The following GBP6 variants were observed in gnomAD, a reference collection of about 807,000 sequenced individuals.
The protein encoded by GBP6 is guanylate-binding protein 6.
In GBP6, 54 loss-of-function variants were observed where a neutral mutation model predicts 61.5. The ratio of observed to expected loss-of-function variants is 0.88; its 90% CI spans 0.71 to 1.10. The LOEUF is 1.10. GBP6 is among the 50% of genes least tolerant of loss of function. GBP6 has a pLI of 0.00. For missense variants in GBP6, 748 were observed against 752.8 expected (o/e 0.99, Z 0.07); for synonymous variants, 255 against 273.7 (o/e 0.93, Z 0.67).
rs1653178563 is a variant in GBP6, at chr1:89,387,699, G to A, written c.*2230G>A. Among the ~76,000 whole-genome samples the A allele has an allele frequency of 2.0e-5, 3 of 152,190 alleles. No homozygotes were observed. Among genetic ancestry groups the A allele is most frequent in the South Asian group, 2.1e-4 (1 of 4,838 alleles). On this transcript the variant is annotated 3_prime_UTR_variant, in exon 11 of 11. Coordinates refer to ENST00000370456, the MANE Select transcript of GBP6 (RefSeq NM_198460.3). Reference sequence around the variant, plus strand: ...TATAATCTCAGCAACTTGGGAGGCCGAAGCAGGCAGATCACTTGAGGTCAG... The same window carrying A: ...TATAATCTCAGCAACTTGGGAGGCCAAAGCAGGCAGATCACTTGAGGTCAG...
rs867987281 is a variant in GBP6, at chr1:89,368,527, A to C, written c.-23-2A>C. On this transcript the variant is annotated splice_acceptor_variant, in intron 1 of 10. Transcript: ENST00000370456. LOFTEE classifies it low-confidence loss of function (5UTR_SPLICE). ...ACAATGTAACGTTATTTCTACTGGG[A>C]GGCTCTTCTAGGTTGGCAGTTGCCA... The C allele has an allele frequency of 2.5e-6, 4 of 1,603,218 alleles. No individual in the cohort carries two copies. In the African/African-American group the frequency reaches 4.0e-5, roughly 16 times the overall value.
In GBP6 at chr1:89,385,233, C is replaced by G; in HGVS notation, c.1666C>G (p.Gln556Glu). 1 of 1,611,998 alleles carries G rather than the reference C, an allele frequency of 6.2e-7. No homozygotes were observed. Among genetic ancestry groups the G allele is most frequent in the Non-Finnish European group, 8.5e-7 (1 of 1,178,592 alleles). ...IMMLEHTQKV[Q>E]NDWLHEGFKK... ...TTCCTTCCTACATTGTCTTTAGGTCCAAAATGATTGGCTTCATGAAGGATT... is the reference window on the plus strand; with the variant it reads ...TTCCTTCCTACATTGTCTTTAGGTCGAAAATGATTGGCTTCATGAAGGATT... Residue 556 changes from glutamine (Q) to glutamate (E), a missense_variant, in exon 11 of 11, where the codon CAA (glutamine) becomes GAA (glutamate). Physicochemically the swap from Gln to Glu is conservative, Grantham distance 29. Coordinates refer to ENST00000370456, the MANE Select transcript of GBP6 (RefSeq NM_198460.3).
chr1:89,382,017 A>C, intron 7 of GBP6, 43 bp downstream of exon 7: 1 of 1,548,014 alleles, frequency 6.5e-7, no homozygotes, highest in Non-Finnish European at 8.8e-7. Flanking sequence ...CTTCCCCTTG[A>C]AGAATGAAGC....
At chr1:89,364,960 A>G (rs1379752225) in intron 1 of GBP6, among the ~76,000 whole-genome samples, 3 of 141,334 alleles carry the variant, frequency 2.1e-5, no homozygotes, top group Non-Finnish European at 4.6e-5. Context: ...CCCTCCACCC[A>G]CTGACAGGCC....
Position 89,386,215 on chromosome 1 carries a change from G to GA in GBP6, c.*752dup, listed in dbSNP as rs1457891078. 2 of 151,618 alleles carry GA rather than the reference G, an allele frequency of 1.3e-5. No homozygotes were observed. The highest frequency in any genetic ancestry group is 2.1e-4 in the South Asian group (1 of 4,798). 9.4% of individuals were successfully genotyped at this position (151,618 alleles called of 1,614,324 possible). Reference sequence around the variant, plus strand: ...CAATGTAGATTATCTTATCAGCATGGAAAAAATGCAATTATTATATGGAAG... The same window carrying GA: ...CAATGTAGATTATCTTATCAGCATGGAAAAAAATGCAATTATTATATGGAAG... On this transcript the variant is annotated 3_prime_UTR_variant, in exon 11 of 11. Coordinates refer to ENST00000370456, the MANE Select transcript of GBP6 (RefSeq NM_198460.3).
rs1037415990 is a variant in GBP6 at position 89,385,643 on chromosome 1, C to A, written c.*174C>A. Reference sequence around the variant, plus strand: ...CTGCCTCCTGGGTTCAAGAGATTCACCTGCCTCAGCCCCCTAGTAGCTGGG... The same window carrying A: ...CTGCCTCCTGGGTTCAAGAGATTCAACTGCCTCAGCCCCCTAGTAGCTGGG... On this transcript the variant is annotated 3_prime_UTR_variant, in exon 11 of 11. Coordinates refer to ENST00000370456, the MANE Select transcript of GBP6 (RefSeq NM_198460.3). The A allele has an allele frequency of 6.8e-6, 4 of 585,244 alleles. No homozygotes were observed. The highest frequency in any genetic ancestry group is 4.6e-4 in the Middle Eastern group (1 of 2,162). The allele number at this position is 585,244 out of a possible 1,614,324, so 36.3% of individuals were successfully genotyped here. A position where few individuals can be genotyped will look rare whatever the true frequency, so the allele number is the denominator to read the frequency against.
intron 1 of GBP6, among the ~76,000 whole-genome samples, chr1:89,367,475 C>T (rs575784001): frequency 4.6e-5 from 7 of 152,126 alleles, no homozygotes; most frequent in South Asian, 4.1e-4. Context: ...TTTGGATAAA[C>T]GTCTAGTCTA....
At chr1:89,364,794 A>C (rs1442794006) in intron 1 of GBP6, among the ~76,000 whole-genome samples, 2 of 150,690 alleles carry the variant, frequency 1.3e-5, no homozygotes, top group African/African-American at 4.9e-5. Flanking sequence ...TCTTTAAAAA[A>C]AAAAAAGATG....
chr1:89,380,361 T>G, intron 5 of GBP6, 25 bp from the exon 6 acceptor site: 2 of 1,489,494 alleles, frequency 1.3e-6, no homozygotes, highest in Non-Finnish European at 1.8e-6. Flanking sequence ...TTTCACTATA[T>G]TCTCTGTTTT....
chr1:89,371,238 G>A (rs1403668462), intron 3 of GBP6, among the ~76,000 whole-genome samples: 2 of 152,070 alleles, frequency 1.3e-5, no homozygotes, highest in African/African-American at 4.8e-5. Flanking sequence ...GGTACAAGGA[G>A]GAGCTGGTAC....
chr1:89,366,223 C>G (rs1652462638), intron 1 of GBP6, among the ~76,000 whole-genome samples: 1 of 152,112 alleles, frequency 6.6e-6, no homozygotes, highest in African/African-American at 2.4e-5. Flanking sequence ...TAATTTATCT[C>G]CATAAATAAT....
intron 1 of GBP6, among the ~76,000 whole-genome samples, chr1:89,367,606 T>TCTA (rs1278790430): frequency 1.3e-5 from 2 of 152,242 alleles, no homozygotes; most frequent in South Asian, 2.1e-4. Flanking sequence ...AGATTGCCTT[T>TCTA]TTACTCTGTT....
intron 3 of GBP6, 122 bp from the exon 4 acceptor site, chr1:89,377,981 C>A: frequency 1.2e-6 from 1 of 864,396 alleles, no homozygotes; most frequent in Non-Finnish European, 1.8e-6. Context: ...ACATTCATGT[C>A]TATGTTCTTT....
At chr1:89,383,139 G>A (rs1653036420) in intron 8 of GBP6, among the ~76,000 whole-genome samples, 1 of 152,036 alleles carries the variant, frequency 6.6e-6, no homozygotes, top group Admixed American at 6.6e-5. Context: ...ACTAACTCAC[G>A]AGCTGTTATT....
At chr1:89,365,920 G>T (rs1230110750) in intron 1 of GBP6, among the ~76,000 whole-genome samples, 2 of 152,116 alleles carry the variant, frequency 1.3e-5, no homozygotes, top group Non-Finnish European at 2.9e-5. Flanking sequence ...TGAGGCATTT[G>T]AAGACAATAT....
chr1:89,369,450 T>C lies in GBP6; in HGVS notation c.191-96T>C, dbSNP rs535295248. Reference sequence around the variant, plus strand: ...ATACAGAAAGGACCATCATGTATGTTGGGGTAGTTACAATCCAACCAGTCT... The same window carrying C: ...ATACAGAAAGGACCATCATGTATGTCGGGGTAGTTACAATCCAACCAGTCT... On this transcript the variant is annotated intron_variant, in intron 2 of 10. Coordinates refer to ENST00000370456, the MANE Select transcript of GBP6 (RefSeq NM_198460.3). The C allele has an allele frequency of 2.4e-5, 33 of 1,397,352 alleles. No individual in the cohort carries two copies. In the African/African-American group the frequency reaches 4.0e-4, roughly 17 times the overall value. The allele number at this position is 1,397,352 out of a possible 1,614,324, so 86.6% of individuals were successfully genotyped here.
At chr1:89,373,587 T>G (rs1310576261) in intron 3 of GBP6, among the ~76,000 whole-genome samples, 1 of 152,122 alleles carries the variant, frequency 6.6e-6, no homozygotes, top group Non-Finnish European at 1.5e-5. Context: ...ACACCACATG[T>G]TCTCACTCAT....
In GBP6 at chr1:89,387,321, G is replaced by A. The variant is rs908982376; in HGVS notation, c.*1852G>A. On this transcript the variant is annotated 3_prime_UTR_variant, in exon 11 of 11. Coordinates refer to ENST00000370456, the MANE Select transcript of GBP6 (RefSeq NM_198460.3). ...GGTACCTAGATCATGGAGAGTCATC[G>A]TAAAATGCCTGTTAAAATAGGGAAT... 6.6e-6 allele frequency among the ~76,000 whole-genome samples: 1 copy of A among 152,144 alleles called. No individual in the cohort carries two copies. Among genetic ancestry groups the A allele is most frequent in the African/African-American group, 2.4e-5 (1 of 41,444 alleles).
intron 1 of GBP6, among the ~76,000 whole-genome samples, chr1:89,366,357 T>C (rs1168905860): frequency 6.6e-6 from 1 of 152,238 alleles, no homozygotes; most frequent in Admixed American, 6.5e-5. Flanking sequence ...CTTTAGATTC[T>C]GGACATTCTC....
Sources: gnomAD v4.1 joint callset for allele counts (sites outside exome capture counted in the v4.1 genomes callset) on GRCh38, gnomAD v4.1.1 for gene constraint, MANE v1.5 for transcripts, NCBI Gene and HGNC (gene_info 2026-07-23, HGNC 2026-07-21) for gene names.